Variants in ROBO2 observed in about 807,000 individuals in gnomAD.
ROBO2 encodes roundabout homolog 2.
A neutral mutation model predicts 160.8 loss-of-function variants in ROBO2; 53 were observed. That is an observed-to-expected ratio of 0.33 (90% confidence interval 0.26 to 0.41). The LOEUF is 0.41. Ranked by LOEUF, ROBO2 falls within the 10% of genes least tolerant of loss-of-function variation. ROBO2 has a pLI of 1.00. For missense variants in ROBO2, 1,577 were observed against 1,722.4 expected (o/e 0.92, Z 1.49); for synonymous variants, 664 against 611.7 (o/e 1.09, Z -1.26).
chr3:77,262,564 G>A (rs1242053610), intron 2 of ROBO2, among the ~76,000 whole-genome samples: 2 of 152,018 alleles, frequency 1.3e-5, no homozygotes, highest in Admixed American at 6.6e-5. Context: ...AGGTACATCT[G>A]GCAGGGCCCC....
chr3:76,875,671 T>C (rs1183353919), intron 2 of ROBO2, among the ~76,000 whole-genome samples: 1 of 152,110 alleles, frequency 6.6e-6, no homozygotes, highest in African/African-American at 2.4e-5. Flanking sequence ...TCTTTATTTT[T>C]TGATACAGAG....
At chr3:77,060,687 T>C (rs2066212256) in intron 1 of ROBO2, among the ~76,000 whole-genome samples, 1 of 152,184 alleles carries the variant, frequency 6.6e-6, no homozygotes, top group South Asian at 2.1e-4. Context: ...CATCAGTCAC[T>C]ACCCTACCCC....
chr3:77,173,343 G>A (rs1404553705), intron 2 of ROBO2, among the ~76,000 whole-genome samples: 1 of 151,596 alleles, frequency 6.6e-6, no homozygotes, highest in East Asian at 1.9e-4. Flanking sequence ...TCCCAGGAGT[G>A]CTCTCATGAA....
chr3:76,662,056 G>A (rs899045598), intron 2 of ROBO2, among the ~76,000 whole-genome samples: 1 of 152,148 alleles, frequency 6.6e-6, no homozygotes, highest in Non-Finnish European at 1.5e-5. Context: ...ACGCTAGTGA[G>A]TTATGCCTGA....
intron 2 of ROBO2, among the ~76,000 whole-genome samples, chr3:77,476,162 GT>G (rs1385852694): frequency 6.6e-6 from 1 of 152,140 alleles, no homozygotes; most frequent in African/African-American, 2.4e-5. Flanking sequence ...TAAGGACAGG[GT>G]TTTTTATTTA....
intron 2 of ROBO2, among the ~76,000 whole-genome samples, chr3:76,080,167 G>T (rs560000088): frequency 6.6e-6 from 1 of 152,128 alleles, no homozygotes. Flanking sequence ...TCTAATCAGA[G>T]CTTATAAGCC....
At chr3:76,600,586 A>G (rs2087063902) in intron 2 of ROBO2, among the ~76,000 whole-genome samples, 1 of 152,168 alleles carries the variant, frequency 6.6e-6, no homozygotes, top group South Asian at 2.1e-4. Context: ...CCCTTATCAT[A>G]CCATCAGATC....
chr3:77,629,499 G>T (rs1428535451), intron 23 of ROBO2: 4 of 152,134 alleles, frequency 2.6e-5, no homozygotes, highest in Non-Finnish European at 5.9e-5. Context: ...ACTGGGCCAA[G>T]TGCATTAAGA....
intron 2 of ROBO2, among the ~76,000 whole-genome samples, chr3:76,470,809 C>T (rs571801309): frequency 8.6e-5 from 13 of 152,014 alleles, no homozygotes; most frequent in Non-Finnish European, 1.5e-4. Flanking sequence ...TGTTACTTCA[C>T]GTAACATACA....
intron 2 of ROBO2, among the ~76,000 whole-genome samples, chr3:76,954,466 G>A (rs1254926982): frequency 6.6e-6 from 1 of 152,102 alleles, no homozygotes; most frequent in African/African-American, 2.4e-5. Flanking sequence ...CACCTGAATG[G>A]CATATATTTC....
At chr3:77,473,426 T>G (rs1237127163) in intron 2 of ROBO2, among the ~76,000 whole-genome samples, 2 of 149,568 alleles carry the variant, frequency 1.3e-5, no homozygotes, top group Non-Finnish European at 3.0e-5. Context: ...TGCAGTTCGA[T>G]TTTACAAACT....
chr3:77,440,590 A>G (rs1476008291), intron 2 of ROBO2, among the ~76,000 whole-genome samples: 6 of 152,212 alleles, frequency 3.9e-5, no homozygotes, highest in Admixed American at 3.9e-4. Context: ...AATAATATGA[A>G]GAATAAAAAT....
At chr3:75,990,768 A>G (rs1352890480) in intron 2 of ROBO2, among the ~76,000 whole-genome samples, 1 of 152,096 alleles carries the variant, frequency 6.6e-6, no homozygotes, top group East Asian at 1.9e-4. Flanking sequence ...GAAATATTTA[A>G]TTTTTTGTGT....
At chr3:76,544,802 T>C (rs984998418) in intron 2 of ROBO2, among the ~76,000 whole-genome samples, 1 of 152,142 alleles carries the variant, frequency 6.6e-6, no homozygotes, top group African/African-American at 2.4e-5. Flanking sequence ...AGTCAAAGGA[T>C]AGAAAGCTCT....
At chr3:77,231,714 G>A (rs1005442130) in intron 2 of ROBO2, among the ~76,000 whole-genome samples, 1 of 151,980 alleles carries the variant, frequency 6.6e-6, no homozygotes, top group Non-Finnish European at 1.5e-5. Flanking sequence ...TTCTCATCCT[G>A]TCAGCCTTCT....
chr3:77,482,493 C>A (rs2084825798), intron 4 of ROBO2, among the ~76,000 whole-genome samples: 1 of 152,110 alleles, frequency 6.6e-6, no homozygotes, highest in African/African-American at 2.4e-5. Flanking sequence ...TTCTGAGCAC[C>A]AGGTAATCTC....
chr3:76,500,373 A>G (rs754794111), intron 2 of ROBO2, among the ~76,000 whole-genome samples: 1 of 152,176 alleles, frequency 6.6e-6, no homozygotes, highest in Non-Finnish European at 1.5e-5. Flanking sequence ...TGGGCCTCCC[A>G]AAGTGATGGG....
chr3:76,454,386 AT>A (rs1210135553), intron 2 of ROBO2, among the ~76,000 whole-genome samples: 2 of 152,212 alleles, frequency 1.3e-5, no homozygotes, highest in African/African-American at 4.8e-5. Flanking sequence ...TAAAGAAAGC[AT>A]CATTAGCATA....
At chr3:77,552,039 T>G (rs1328071253) in intron 8 of ROBO2, among the ~76,000 whole-genome samples, 2 of 151,998 alleles carry the variant, frequency 1.3e-5, no homozygotes, top group Non-Finnish European at 2.9e-5. Context: ...GCTATGGAAC[T>G]GAAAGGAGAA....
Sources: allele counts gnomAD v4.1 joint callset (sites outside exome capture counted in the v4.1 genomes callset), GRCh38; gene constraint gnomAD v4.1.1; transcripts MANE v1.5; gene names NCBI Gene and HGNC (gene_info 2026-07-23, HGNC 2026-07-21).